Variants in ADD2 observed in about 807,000 individuals in gnomAD.
The protein encoded by ADD2 is beta-adducin.
In ADD2, 23 loss-of-function variants were observed where a neutral mutation model predicts 83.0. The observed-to-expected ratio is 0.28, with a 90% CI of 0.20 to 0.39. ADD2 has a LOEUF of 0.39. Among genes scored for constraint, ADD2 ranks in the 10% least tolerant of loss-of-function variants. The pLI is 1.00. For missense variants in ADD2, 758 were observed against 944.9 expected (o/e 0.80, Z 2.59); for synonymous variants, 375 against 375.4 (o/e 1.00, Z 0.01).
chr2:70,729,749 C>CAGAAACTATT (rs1673187870), intron 1 of ADD2, among the ~76,000 whole-genome samples: 1 of 152,194 alleles, frequency 6.6e-6, no homozygotes. Flanking sequence ...TTTACACTTT[C>CAGAAACTATT]TAAATACCCC....
At chr2:70,764,191 T>A (rs768284469) in intron 1 of ADD2, among the ~76,000 whole-genome samples, 3 of 151,784 alleles carry the variant, frequency 2.0e-5, no homozygotes, top group Non-Finnish European at 4.4e-5. Context: ...CCCGGCCCCA[T>A]CTCATTTTCT....
intron 6 of ADD2, among the ~76,000 whole-genome samples, chr2:70,693,722 C>G (rs868981540): frequency 6.6e-6 from 1 of 152,232 alleles, no homozygotes; most frequent in Non-Finnish European, 1.5e-5. Context: ...TGGTTTCCCT[C>G]AGCCCAGCTC....
chr2:70,761,609 A>AT (rs1425440329), intron 1 of ADD2, among the ~76,000 whole-genome samples: 1 of 148,898 alleles, frequency 6.7e-6, no homozygotes, highest in Non-Finnish European at 1.5e-5. Flanking sequence ...AAAAAAAAAA[A>AT]GGAAGGAAGG....
chr2:70,683,997 TA>T (rs1195023724), intron 9 of ADD2, among the ~76,000 whole-genome samples: 7 of 152,202 alleles, frequency 4.6e-5, no homozygotes, highest in Admixed American at 4.6e-4. Context: ...CAGCAAGCAT[TA>T]AACCTTAAGA....
Position 70,696,105 on chromosome 2 carries a change from A to G in ADD2, c.474+140T>C, listed in dbSNP as rs1007498480. ...TGCCTTATCAATGACCACAGTGGTTAAAAAACTTGGAAGGGTTCAGTGCAT... is the reference window on the plus strand; with the variant it reads ...TGCCTTATCAATGACCACAGTGGTTGAAAAACTTGGAAGGGTTCAGTGCAT... On this transcript the variant is annotated intron_variant, in intron 5 of 15. Transcript: ENST00000264436. The G allele has an allele frequency of 4.4e-5, 53 of 1,212,782 alleles. No homozygotes were observed. In the African/African-American group the frequency reaches 7.3e-4, roughly 17 times the overall value. The allele number at this position is 1,212,782 out of a possible 1,614,324, so 75.1% of individuals were successfully genotyped here. A position where few individuals can be genotyped will look rare whatever the true frequency, so the allele number is the denominator to read the frequency against.
intron 1 of ADD2, among the ~76,000 whole-genome samples, chr2:70,724,176 A>G (rs112573151): frequency 0.023 from 3,499 of 152,264 alleles, 120 homozygotes; most frequent in African/African-American, 0.08. Flanking sequence ...CTCAATATAC[A>G]TACTTTCAAG....
rs782783917 is a variant in ADD2 at position 70,706,357 on chromosome 2, G to C, written c.52C>G (p.Gln18Glu). The C allele has an allele frequency of 1.9e-6, 3 of 1,613,038 alleles. No homozygotes were observed. Among genetic ancestry groups the C allele is most frequent in the South Asian group, 2.2e-5 (2 of 91,014 alleles). ...EAASPPPPQG[Q>E]PYFDRFSEDD... Reference sequence around the variant, plus strand: ...TCTGAGAAGCGGTCAAAGTAAGGCTGCCCCTGCGGGGGCGGCGGCGAGGCA... The same window carrying C: ...TCTGAGAAGCGGTCAAAGTAAGGCTCCCCCTGCGGGGGCGGCGGCGAGGCA... The change falls in exon 3 of 16, where the codon CAG (glutamine) becomes GAG (glutamate). Residue 18 changes from glutamine to glutamate, a missense_variant. This residue lies in a region of ADD2 where 175 missense variants were observed against 192.1 expected (regional missense o/e 0.91). Transcript: ENST00000264436. The surrounding 1 kb of genome is among the most constrained non-coding windows in gnomAD (Gnocchi z 5.0).
Position 70,672,973 on chromosome 2 carries a change from G to A in ADD2, c.1775C>T (p.Ser592Leu). The A allele has an allele frequency of 1.2e-6, 2 of 1,613,900 alleles. No individual in the cohort carries two copies. The highest frequency in any genetic ancestry group is 1.1e-5 in the South Asian group (1 of 91,024). Residue 592 changes from serine to leucine, a missense_variant, in exon 15 of 16, where the codon TCA becomes TTA. Ser to Leu is a moderately radical substitution (Grantham distance 145). Coordinates refer to ENST00000264436, the MANE Select transcript of ADD2 (RefSeq NM_001617.4). Reference sequence around the variant, plus strand: ...AGAAGCAGGTGCAGACTTTGCAGGTGAGCCAGGCTCTTCTGGGGCAGTTTC... The same window carrying A: ...AGAAGCAGGTGCAGACTTTGCAGGTAAGCCAGGCTCTTCTGGGGCAGTTTC... Reference protein sequence around the residue: ...EKETAPEEPGSPAKSAPASPV... With the variant: ...EKETAPEEPGLPAKSAPASPV...
Position 70,671,661 on chromosome 2 carries a change from C to T in ADD2, c.1870+1217G>A, listed in dbSNP as rs3771465. ...ACATTGTGGAGACAGGTTGACAACA[C>T]CACAGTGAGACACAATGAACACAAC... On this transcript the variant is annotated intron_variant, in intron 15 of 15. Coordinates refer to ENST00000264436, the MANE Select transcript of ADD2 (RefSeq NM_001617.4). Among the ~76,000 whole-genome samples, 565 of 152,302 alleles carry T rather than the reference C, an allele frequency of 3.7e-3. 6 individuals carry two copies. Among genetic ancestry groups the T allele is most frequent in the East Asian group, 0.031 (158 of 5,180 alleles).
chr2:70,672,959 C>G lies in ADD2; in HGVS notation c.1789G>C (p.Ala597Pro). The G allele has an allele frequency of 6.2e-7, 1 of 1,613,926 alleles. No individual in the cohort carries two copies. The highest frequency in any genetic ancestry group is 2.2e-5 in the East Asian group (1 of 44,880). Reference protein sequence around the residue: ...PEEPGSPAKSAPASPVQSPAK... With the variant: ...PEEPGSPAKSPPASPVQSPAK... ...GGGCTCTGCACTGGAGAAGCAGGTG[C>G]AGACTTTGCAGGTGAGCCAGGCTCT... The change falls in exon 15 of 16, where the codon GCA becomes CCA. Residue 597 changes from alanine to proline, a missense_variant. By Grantham distance (27) the Ala-to-Pro change is conservative (BLOSUM62 -1). This residue lies in a region of ADD2 where 165 missense variants were observed against 176.2 expected (regional missense o/e 0.94). Coordinates refer to ENST00000264436, the MANE Select transcript of ADD2 (RefSeq NM_001617.4).
At chr2:70,766,482 T>C (rs13385385) in intron 1 of ADD2, among the ~76,000 whole-genome samples, 2,092 of 152,350 alleles carry the variant, frequency 0.014, 48 homozygotes, top group African/African-American at 0.048. Context: ...GAGATATTAT[T>C]TGCAAGTCTG....
intron 6 of ADD2, among the ~76,000 whole-genome samples, chr2:70,694,073 A>C (rs1671188044): frequency 1.3e-5 from 2 of 152,224 alleles, no homozygotes; most frequent in African/African-American, 4.8e-5. Flanking sequence ...TCCCTTGTGC[A>C]GTGCACAAAC....
chr2:70,736,349 G>A (rs1673559402), intron 1 of ADD2, among the ~76,000 whole-genome samples: 1 of 152,204 alleles, frequency 6.6e-6, no homozygotes, highest in Non-Finnish European at 1.5e-5. Flanking sequence ...GCATAAAGGA[G>A]AAACACAGCA....
Position 70,659,598 on chromosome 2 carries a change from G to A in ADD2, c.*3827C>T, listed in dbSNP as rs1253714356. 6.6e-6 allele frequency: 1 copy of A among 152,224 alleles called. No homozygotes were observed. The highest frequency in any genetic ancestry group is 1.5e-5 in the Non-Finnish European group (1 of 68,040). 9.4% of individuals were successfully genotyped at this position (152,224 alleles called of 1,614,324 possible). On this transcript the variant is annotated 3_prime_UTR_variant, in exon 16 of 16. Transcript: ENST00000264436. Reference sequence around the variant, plus strand: ...TTCACAGAGGAAGAACCCTGTTTTAGTTATAGGAGAGTGGAGGGGGTCAAC... The same window carrying A: ...TTCACAGAGGAAGAACCCTGTTTTAATTATAGGAGAGTGGAGGGGGTCAAC...
intron 1 of ADD2, among the ~76,000 whole-genome samples, chr2:70,725,731 G>A (rs1672959289): frequency 6.6e-6 from 1 of 152,074 alleles, no homozygotes; most frequent in African/African-American, 2.4e-5. Context: ...CCGACACCAT[G>A]AGTTTGGACT....
At chr2:70,745,276 A>G (rs1391506606) in intron 1 of ADD2, among the ~76,000 whole-genome samples, 1 of 151,690 alleles carries the variant, frequency 6.6e-6, no homozygotes, top group Non-Finnish European at 1.5e-5. Flanking sequence ...ACAGAGCGAT[A>G]CTCCGTCTCA....
rs567413447 is a variant in ADD2 at position 70,714,535 on chromosome 2, C to G, written c.-153-1351G>C. ...GTTTCAGTGCCAGATGGTCCCTGAGCCCAGTCCTGATGCTCGCCCATCTAC... is the reference window on the plus strand; with the variant it reads ...GTTTCAGTGCCAGATGGTCCCTGAGGCCAGTCCTGATGCTCGCCCATCTAC... On this transcript the variant is annotated intron_variant, in intron 1 of 15. Coordinates refer to ENST00000264436, the MANE Select transcript of ADD2 (RefSeq NM_001617.4). Among the ~76,000 whole-genome samples, 120 of 152,354 alleles carry G rather than the reference C, an allele frequency of 7.9e-4. 1 individual carries two copies. Among genetic ancestry groups the G allele is most frequent in the African/African-American group, 2.9e-3 (120 of 41,584 alleles).
Position 70,704,263 on chromosome 2 carries a change from T to TGCCCCCCCCCCCCCC in ADD2, c.322+57_322+58insGGGGGGGGGGGGGGC. On this transcript the variant is annotated intron_variant, in intron 4 of 15. Transcript: ENST00000264436. ...TGCTTCTTGCTGCTCCTCCCTCTCT[T>TGCCCCCCCCCCCCCC]CCCCACCCCACCCTCCCCTCCACCT... 1.2e-4 allele frequency: 107 copies of TGCCCCCCCCCCCCCC among 913,210 alleles called. 2 individuals carry two copies. Among genetic ancestry groups the TGCCCCCCCCCCCCCC allele is most frequent in the Middle Eastern group, 2.9e-4 (1 of 3,436 alleles). The allele number at this position is 913,210 out of a possible 1,614,324, so 56.6% of individuals were successfully genotyped here.
At chr2:70,752,121 A>G (rs782774078) in intron 1 of ADD2, among the ~76,000 whole-genome samples, 3 of 152,208 alleles carry the variant, frequency 2.0e-5, no homozygotes, top group Non-Finnish European at 4.4e-5. Flanking sequence ...TTGCCAATGG[A>G]CATTTGCAAT....
Sources: gnomAD v4.1 joint callset for allele counts (sites outside exome capture counted in the v4.1 genomes callset) on GRCh38, gnomAD v4.1.1 for gene constraint, gnomAD v4.1.1 regional missense constraint, Gnocchi (gnomAD v3.1) non-coding constraint, MANE v1.5 for transcripts, NCBI Gene and HGNC (gene_info 2026-07-23, HGNC 2026-07-21) for gene names.